CASS4: variants seen among roughly 807,000 people sequenced by gnomAD.
The protein encoded by CASS4 is Cas scaffold protein family member 4.
Under a neutral mutation model 54.2 loss-of-function variants are expected in CASS4, and 22 were observed. That is an observed-to-expected ratio of 0.41 (90% CI 0.29 to 0.58). CASS4 has a LOEUF of 0.58. CASS4 is among the 20% of genes least tolerant of loss of function. CASS4 has a pLI of 0.36. For missense variants in CASS4, 854 were observed against 986.7 expected, an observed-to-expected ratio of 0.87 and a Z score of 1.80; for synonymous variants, 409 against 391.5, an observed-to-expected ratio of 1.04 and a Z score of -0.53.
chr20:56,431,463 G>A (rs1486453399), intron 1 of CASS4, among the ~76,000 whole-genome samples: 5 of 152,204 alleles, frequency 3.3e-5, no homozygotes, highest in Non-Finnish European at 5.9e-5. Flanking sequence ...TCATATTGAG[G>A]GGAATCGTGT....
intron 1 of CASS4, among the ~76,000 whole-genome samples, chr20:56,429,491 C>G (rs1467076567): frequency 6.6e-6 from 1 of 152,132 alleles, no homozygotes; most frequent in Admixed American, 6.6e-5. Context: ...ATTTTCCACC[C>G]AGTAACCACC....
At chr20:56,445,444 G>A (rs1173395431) in intron 2 of CASS4, among the ~76,000 whole-genome samples, 1 of 151,696 alleles carries the variant, frequency 6.6e-6, no homozygotes, top group Non-Finnish European at 1.5e-5. Flanking sequence ...AGTCCCCTCT[G>A]CCTATTGCGT....
At chr20:56,422,663 C>T (rs923453313) in intron 1 of CASS4, among the ~76,000 whole-genome samples, 9 of 152,140 alleles carry the variant, frequency 5.9e-5, no homozygotes, top group African/African-American at 7.2e-5. Context: ...CCTACAGCTG[C>T]GGAAGTTCCT....
intron 5 of CASS4, among the ~76,000 whole-genome samples, chr20:56,456,198 T>C (rs1190421575): frequency 6.6e-6 from 1 of 152,018 alleles, no homozygotes; most frequent in Admixed American, 6.6e-5. Flanking sequence ...CCAGAACCCC[T>C]GCCCGCTCAC....
At chr20:56,445,774 G>C in intron 2 of CASS4, 126 bp from the exon 3 acceptor site, 1 of 652,804 alleles carries the variant, frequency 1.5e-6, no homozygotes, top group Non-Finnish European at 2.6e-6. Flanking sequence ...GCCAGCGGGG[G>C]TGCCGGGCGA....
intron 1 of CASS4, among the ~76,000 whole-genome samples, chr20:56,428,274 C>T (rs558521796): frequency 5.5e-4 from 84 of 152,190 alleles, no homozygotes; most frequent in African/African-American, 2.0e-3. Flanking sequence ...CTGCCCTGAC[C>T]CCTGTGACAG....
rs34102676 is a variant in CASS4 at position 56,437,340 on chromosome 20, C to T, written c.213C>T (p.Leu71=). ...CCCCTGCCAACCGCCTCCAAATCCT[C>T]ACGGAGGTCGCTGCAGACAGGCCGT... The part of the protein sequence containing the change: ...GLAPANRLQI[L]TEVAADRPCP... The change falls in exon 2 of 6, where the codon CTC becomes CTT. Residue 71 remains leucine, a synonymous_variant. Transcript: ENST00000679887. This position sits in a 1 kb window ranked among gnomAD's most constrained non-coding sequence, Gnocchi z 4.7. 2.4e-3 allele frequency: 3,885 copies of T among 1,614,066 alleles called. 67 individuals are homozygous for T. In the African/African-American group the frequency reaches 0.038, roughly 16 times the overall value.
intron 1 of CASS4, among the ~76,000 whole-genome samples, chr20:56,415,297 G>A (rs1012451679): frequency 2.0e-5 from 3 of 152,118 alleles, no homozygotes; most frequent in Admixed American, 2.0e-4. Flanking sequence ...ACAGGCCCTT[G>A]TGTAGCAGCC....
At chr20:56,419,602 T>A (rs1282839995) in intron 1 of CASS4, among the ~76,000 whole-genome samples, 1 of 151,948 alleles carries the variant, frequency 6.6e-6, no homozygotes, top group Non-Finnish European at 1.5e-5. Context: ...AATTTTTGTA[T>A]TTTTAGTAGA....
At chr20:56,435,395 C>T (rs1980106415) in intron 1 of CASS4, among the ~76,000 whole-genome samples, 1 of 151,938 alleles carries the variant, frequency 6.6e-6, no homozygotes, top group Admixed American at 6.6e-5. Context: ...GGATAAATAC[C>T]AAAAATGGTG....
intron 1 of CASS4, among the ~76,000 whole-genome samples, chr20:56,427,833 A>G (rs1485248650): frequency 1.3e-5 from 2 of 152,232 alleles, no homozygotes; most frequent in Non-Finnish European, 2.9e-5. Context: ...CCTGAATAGT[A>G]ACTAAGAATT....
intron 3 of CASS4, among the ~76,000 whole-genome samples, chr20:56,448,141 C>CAA (rs11470665): frequency 5.5e-5 from 6 of 109,728 alleles, no homozygotes; most frequent in African/African-American, 1.2e-4. Context: ...GACTCTGTCT[C>CAA]AAAAAAAAAA....
chr20:56,425,082 G>A (rs1437413498), intron 1 of CASS4, among the ~76,000 whole-genome samples: 1 of 152,216 alleles, frequency 6.6e-6, no homozygotes, highest in East Asian at 1.9e-4. Flanking sequence ...TGGGGAACAT[G>A]TCCCATCATG....
At chr20:56,447,331 G>A (rs991935192) in intron 3 of CASS4, among the ~76,000 whole-genome samples, 1 of 152,166 alleles carries the variant, frequency 6.6e-6, no homozygotes, top group African/African-American at 2.4e-5. Flanking sequence ...TAAAGCTAAA[G>A]CTCCTGCTGC....
intron 2 of CASS4, among the ~76,000 whole-genome samples, chr20:56,445,191 G>C (rs1264948449): frequency 6.6e-6 from 1 of 151,632 alleles, no homozygotes; most frequent in Non-Finnish European, 1.5e-5. Flanking sequence ...CTCCTTCACT[G>C]ACCTGCTCCC....
At chr20:56,421,168 C>T (rs1384447370) in intron 1 of CASS4, among the ~76,000 whole-genome samples, 1 of 152,192 alleles carries the variant, frequency 6.6e-6, no homozygotes, top group African/African-American at 2.4e-5. Context: ...TGACTGCAGG[C>T]ATGCCAGAGG....
At chr20:56,431,277 T>A (rs1210992758) in intron 1 of CASS4, among the ~76,000 whole-genome samples, 2 of 152,216 alleles carry the variant, frequency 1.3e-5, no homozygotes, top group African/African-American at 4.8e-5. Flanking sequence ...TTCCCTGTTT[T>A]CCCTCCATTC....
At chr20:56,439,897 A>G (rs1485295626) in intron 2 of CASS4, among the ~76,000 whole-genome samples, 1 of 152,154 alleles carries the variant, frequency 6.6e-6, no homozygotes, top group Admixed American at 6.5e-5. Flanking sequence ...CCACCCGGCC[A>G]CAGCTCTGGC....
chr20:56,429,714 TTTATCTGAC>T (rs1385751801), intron 1 of CASS4, among the ~76,000 whole-genome samples: 1 of 152,042 alleles, frequency 6.6e-6, no homozygotes, highest in African/African-American at 2.4e-5. Flanking sequence ...TGACTAACAC[TTTATCTGAC>T]TAACTCCTTA....
Sources: allele counts gnomAD v4.1 joint callset (sites outside exome capture counted in the v4.1 genomes callset), GRCh38; gene constraint gnomAD v4.1.1; non-coding constraint Gnocchi (gnomAD v3.1); transcripts MANE v1.5; gene names NCBI Gene and HGNC (gene_info 2026-07-23, HGNC 2026-07-21).